BANK1: variants seen among roughly 807,000 people sequenced by gnomAD.
The protein encoded by BANK1 is B-cell scaffold protein with ankyrin repeats.
A neutral mutation model predicts 94.5 loss-of-function variants in BANK1; 95 were observed. That is an observed-to-expected ratio of 1.00 (90% CI 0.85 to 1.19). The LOEUF (loss-of-function observed/expected upper bound fraction) is 1.19. BANK1 is among the 50% of genes most tolerant of loss of function. BANK1 has a pLI of 0.00. For synonymous variants in BANK1, 334 were observed against 308.4 expected (o/e 1.08, Z -0.87); for missense variants, 987 against 932.2 (o/e 1.06, Z -0.77).
At chr4:101,822,825 C>T (rs1726222965) in intron 1 of BANK1, among the ~76,000 whole-genome samples, 2 of 152,144 alleles carry the variant, frequency 1.3e-5, no homozygotes, top group South Asian at 4.2e-4. Flanking sequence ...CCACGTTAGC[C>T]AGGCTGGTCT....
chr4:101,903,139 A>G (rs901374528), intron 6 of BANK1, among the ~76,000 whole-genome samples: 3 of 152,242 alleles, frequency 2.0e-5, no homozygotes, highest in African/African-American at 7.2e-5. Flanking sequence ...AAGCTTTACC[A>G]TTATTAGCCC....
At chr4:101,911,776 C>A (rs1722673082) in intron 6 of BANK1, among the ~76,000 whole-genome samples, 1 of 152,060 alleles carries the variant, frequency 6.6e-6, no homozygotes, top group Non-Finnish European at 1.5e-5. Context: ...CTGCTATTAG[C>A]AGAATGAAAA....
intron 7 of BANK1, among the ~76,000 whole-genome samples, chr4:101,939,733 C>A (rs922583303): frequency 1.2e-4 from 18 of 151,666 alleles, no homozygotes; most frequent in Non-Finnish European, 3.0e-5. Context: ...CTGCCACACA[C>A]AATTTGCACA....
At chr4:102,053,029 A>G (rs1277676836) in intron 11 of BANK1, among the ~76,000 whole-genome samples, 1 of 152,224 alleles carries the variant, frequency 6.6e-6, no homozygotes, top group African/African-American at 2.4e-5. Context: ...TAAAATCCAC[A>G]TTGGTCACAA....
chr4:101,978,154 A>T (rs1023861249), intron 7 of BANK1, among the ~76,000 whole-genome samples: 1 of 151,894 alleles, frequency 6.6e-6, no homozygotes, highest in African/African-American at 2.4e-5. Context: ...TACTTAAAAA[A>T]AAAAAGAAAA....
Position 101,902,734 on chromosome 4 carries a change from G to A in BANK1, c.1009+7324G>A, listed in dbSNP as rs116834147. On this transcript the variant is annotated intron_variant, in intron 6 of 16. Transcript: ENST00000322953. Reference sequence around the variant, plus strand: ...ATAAATATTCCTTAGTGCTGTATCTGCATTTGAGATCAGAGGCATTAACAT... The same window carrying A: ...ATAAATATTCCTTAGTGCTGTATCTACATTTGAGATCAGAGGCATTAACAT... Among the ~76,000 whole-genome samples, 634 of 152,288 alleles carry A rather than the reference G, an allele frequency of 4.2e-3. 3 individuals are homozygous for A. Among genetic ancestry groups the A allele is most frequent in the African/African-American group, 0.014 (597 of 41,564 alleles).
Position 101,877,329 on chromosome 4 carries a change from A to T in BANK1, c.903+6685A>T, listed in dbSNP as rs146175100. ...GGATGTCTGTGAGCAATAAGAAAGC[A>T]TCTGAAGGTACAAAACTTACTAGTA... On this transcript the variant is annotated intron_variant, in intron 5 of 16. Transcript: ENST00000322953. 3.1e-3 allele frequency among the ~76,000 whole-genome samples: 469 copies of T among 152,314 alleles called. 2 individuals carry two copies. The highest frequency in any genetic ancestry group is 0.011 in the African/African-American group (442 of 41,574).
chr4:102,074,356 T>C lies in BANK1; in HGVS notation c.*357T>C, dbSNP rs1381528508. 6.6e-6 allele frequency: 1 copy of C among 152,076 alleles called. No individual in the cohort carries two copies. The highest frequency in any genetic ancestry group is 1.5e-5 in the Non-Finnish European group (1 of 67,904). The allele number at this position is 152,076 out of a possible 1,614,324, so 9.4% of individuals were successfully genotyped here. A position where few individuals can be genotyped will look rare whatever the true frequency, so the allele number is the denominator to read the frequency against. ...AGTTATGGGGTCTGCTTGAGGGCACTAACCTCAACAGATTATTCCTCCTCT... is the reference window on the plus strand; with the variant it reads ...AGTTATGGGGTCTGCTTGAGGGCACCAACCTCAACAGATTATTCCTCCTCT... On this transcript the variant is annotated 3_prime_UTR_variant, in exon 17 of 17. Coordinates refer to ENST00000322953, the MANE Select transcript of BANK1 (RefSeq NM_017935.5).
intron 2 of BANK1, among the ~76,000 whole-genome samples, chr4:101,835,839 GTAGACATACTGTATAC>G (rs2148865696): frequency 6.6e-6 from 1 of 152,278 alleles, no homozygotes; most frequent in African/African-American, 2.4e-5. Flanking sequence ...CAGCATTAGT[GTAGACATACTGTATAC>G]TAGGGTAATT....
chr4:101,840,105 A>T (rs1227474236), intron 2 of BANK1, among the ~76,000 whole-genome samples: 4 of 145,964 alleles, frequency 2.7e-5, no homozygotes, highest in African/African-American at 7.5e-5. Flanking sequence ...AGTAGCTGGG[A>T]CTACAGGCGC....
intron 11 of BANK1, among the ~76,000 whole-genome samples, chr4:102,057,422 G>A (rs1054628624): frequency 1.3e-5 from 2 of 149,750 alleles, no homozygotes; most frequent in South Asian, 2.1e-4. Context: ...ATTCAGTGGC[G>A]ATCTCAGCTC....
At chr4:101,983,579 G>A (rs1484494491) in intron 7 of BANK1, among the ~76,000 whole-genome samples, 1 of 152,050 alleles carries the variant, frequency 6.6e-6, no homozygotes, top group Non-Finnish European at 1.5e-5. Flanking sequence ...AAAATTGTTG[G>A]AAGACAAGAT....
intron 2 of BANK1, among the ~76,000 whole-genome samples, chr4:101,849,056 A>G (rs763032876): frequency 2.0e-5 from 3 of 152,208 alleles, no homozygotes; most frequent in Non-Finnish European, 4.4e-5. Context: ...ACTTAAGCCT[A>G]TCACACTAGG....
At chr4:101,908,960 G>A (rs1233860028) in intron 6 of BANK1, among the ~76,000 whole-genome samples, 2 of 152,168 alleles carry the variant, frequency 1.3e-5, no homozygotes, top group African/African-American at 4.8e-5. Flanking sequence ...CTGTTGGTGG[G>A]ACTGTAAACT....
intron 7 of BANK1, chr4:101,976,822 G>A (rs977225317): frequency 1.3e-5 from 2 of 152,072 alleles, no homozygotes; most frequent in Non-Finnish European, 2.9e-5. Context: ...TGGGCAACTT[G>A]TAAAAGATTT....
At position 102,025,407 on chromosome 4, in the gene BANK1, A is replaced by G. The variant is rs1727052784; in HGVS notation, c.1492A>G (p.Asn498Asp). ...GTTCATTCCTGGTGCTGATCCAGAA[A>G]ATAATTCACAAGAGCCACTCATGAG... ...YVFIPGADPE[N>D]NSQEPLMSSR... is the part of the protein sequence containing the mutation. Residue 498 changes from asparagine (N) to aspartate (D), a missense_variant, in exon 9 of 17, where the codon AAT (asparagine) becomes GAT (aspartate). Coordinates refer to ENST00000322953, the MANE Select transcript of BANK1 (RefSeq NM_017935.5). 6.2e-7 allele frequency: 1 copy of G among 1,613,986 alleles called. No individual in the cohort carries two copies. Among genetic ancestry groups the G allele is most frequent in the African/African-American group, 1.3e-5 (1 of 74,890 alleles).
Position 101,868,038 on chromosome 4 carries a change from C to T in BANK1, c.764-2467C>T, listed in dbSNP as rs563494686. ...AGAGATTGCCAGAATGGATAACAAG[C>T]AAGACCCAATAATATGTTGTCTATA... is the stretch of plus-strand genomic sequence containing the variant. On this transcript the variant is annotated intron_variant, in intron 4 of 16. Transcript: ENST00000322953. 3.0e-4 allele frequency among the ~76,000 whole-genome samples: 46 copies of T among 151,872 alleles called. No homozygotes were observed. In the East Asian group the frequency reaches 8.9e-3, roughly 29 times the overall value.
intron 5 of BANK1, among the ~76,000 whole-genome samples, chr4:101,883,339 T>C (rs528119477): frequency 1.3e-5 from 2 of 152,222 alleles, no homozygotes; most frequent in Non-Finnish European, 2.9e-5. Flanking sequence ...CAATGTGTAT[T>C]TCTGAGTACA....
intron 8 of BANK1, among the ~76,000 whole-genome samples, chr4:102,023,156 C>T (rs572508819): frequency 3.3e-5 from 5 of 152,238 alleles, no homozygotes; most frequent in African/African-American, 7.2e-5. Flanking sequence ...ATAGTCTATG[C>T]CCAATGAAAC....
Sources: allele counts gnomAD v4.1 joint callset (sites outside exome capture counted in the v4.1 genomes callset), GRCh38; gene constraint gnomAD v4.1.1; transcripts MANE v1.5; gene names NCBI Gene and HGNC (gene_info 2026-07-23, HGNC 2026-07-21).